The following YME1L1 variants were observed in gnomAD, a reference collection of about 807,000 sequenced individuals.
YME1L1 encodes the protein ATP-dependent zinc metalloprotease YME1L1.
A neutral mutation model predicts 90.4 loss-of-function variants in YME1L1; 39 were observed. The ratio of observed to expected loss-of-function variants is 0.43; its 90% CI spans 0.33 to 0.56. The LOEUF (loss-of-function observed/expected upper bound fraction) is 0.56, where lower values mean the gene tolerates loss of function less well. Ranked by LOEUF, YME1L1 falls within the 20% of genes least tolerant of loss-of-function variation. The pLI, the probability that YME1L1 is intolerant of heterozygous loss-of-function variation, is 0.03. For missense variants in YME1L1, 617 were observed against 868.4 expected, an observed-to-expected ratio of 0.71 and a Z score of 3.64; for synonymous variants, 284 against 287.3, an observed-to-expected ratio of 0.99 and a Z score of 0.12.
At chr10:27,128,025 T>C (rs1317711801) in intron 8 of YME1L1, among the ~76,000 whole-genome samples, 2 of 152,192 alleles carry the variant, frequency 1.3e-5, no homozygotes, top group Non-Finnish European at 2.9e-5. Flanking sequence ...AAATAAACTA[T>C]ATTCTCTCTC....
chr10:27,113,666 C>T (rs1441936269), intron 18 of YME1L1, among the ~76,000 whole-genome samples: 2 of 145,312 alleles, frequency 1.4e-5, no homozygotes, highest in Admixed American at 1.4e-4. Flanking sequence ...GAGCAGAACT[C>T]TGTCTCAAAA....
At chr10:27,150,920 C>CTTTTTTT (rs142259641) in intron 1 of YME1L1, among the ~76,000 whole-genome samples, 7 of 87,696 alleles carry the variant, frequency 8.0e-5, no homozygotes, top group East Asian at 4.2e-4. Context: ...ACTCTCTCGC[C>CTTTTTTT]TTTTTTTTTT....
At chr10:27,126,600 A>C in intron 9 of YME1L1, 96 bp downstream of exon 9, 1 of 623,822 alleles carries the variant, frequency 1.6e-6, no homozygotes. Context: ...CTTAAACTTT[A>C]ATCAGTTAAA....
chr10:27,147,547 G>A, intron 2 of YME1L1: 16 of 1,610,744 alleles, frequency 9.9e-6, no homozygotes, highest in Non-Finnish European at 1.4e-5. Flanking sequence ...GTTATCGGTT[G>A]TGTCCAAGCT....
intron 11 of YME1L1, among the ~76,000 whole-genome samples, chr10:27,121,653 T>C (rs891288317): frequency 2.6e-5 from 4 of 152,158 alleles, no homozygotes; most frequent in Non-Finnish European, 5.9e-5. Context: ...ACCTCTCAAG[T>C]AGCTGGAATG....
intron 8 of YME1L1, among the ~76,000 whole-genome samples, chr10:27,130,724 G>A (rs544835707): frequency 2.6e-5 from 4 of 152,230 alleles, no homozygotes; most frequent in East Asian, 3.9e-4. Context: ...GTGGTGGCTC[G>A]TGCCTGTAAT....
chr10:27,124,746 C>A (rs1365502315), intron 9 of YME1L1, among the ~76,000 whole-genome samples: 1 of 152,100 alleles, frequency 6.6e-6, no homozygotes, highest in East Asian at 1.9e-4. Flanking sequence ...ATTAATACTT[C>A]TATGGTTTTA....
chr10:27,145,348 C>A (rs1413866061), intron 3 of YME1L1, 80 bp downstream of exon 3: 1 of 1,156,892 alleles, frequency 8.6e-7, no homozygotes, highest in Non-Finnish European at 1.2e-6. Flanking sequence ...ATAAACGCTA[C>A]TGTGAAAGCT....
In YME1L1 at chr10:27,111,131, C is replaced by T. The variant is rs1421086240; in HGVS notation, c.*846G>A. On this transcript the variant is annotated 3_prime_UTR_variant, in exon 19 of 19. Transcript: ENST00000376016. ...AGTGCAGTGGCATGATCTCAGCTCA[C>T]TGCAACCTCCATCTCCCAGGCTCAA... The T allele has an allele frequency of 1.3e-5, 2 of 152,206 alleles. No individual in the cohort carries two copies. The highest frequency in any genetic ancestry group is 4.8e-5 in the African/African-American group (2 of 41,416). 9.4% of individuals were successfully genotyped at this position (152,206 alleles called of 1,614,324 possible).
intron 18 of YME1L1, among the ~76,000 whole-genome samples, chr10:27,113,179 C>T (rs1277504753): frequency 1.6e-5 from 2 of 121,442 alleles, no homozygotes; most frequent in Non-Finnish European, 3.2e-5. Context: ...AAGATCACAG[C>T]ACTGCACTCC....
In YME1L1 at chr10:27,133,759, T is replaced by C. The variant is rs1588600935; in HGVS notation, c.775+280A>G. Among the ~76,000 whole-genome samples, 11 of 152,298 alleles carry C rather than the reference T, an allele frequency of 7.2e-5. 4 individuals are homozygous for C. The highest frequency in any genetic ancestry group is 7.2e-4 in the Admixed American group (11 of 15,296). On this transcript the variant is annotated intron_variant, in intron 7 of 18. Coordinates refer to ENST00000376016, the MANE Select transcript of YME1L1 (RefSeq NM_014263.4). ...GTTTATCTTTGAAATAGAAGACTAT[T>C]TCAGCTTGTATTGCCATTATAAAAT... is the stretch of plus-strand genomic sequence containing the variant.
At chr10:27,127,830 T>G (rs534806361) in intron 8 of YME1L1, among the ~76,000 whole-genome samples, 11 of 152,292 alleles carry the variant, frequency 7.2e-5, no homozygotes, top group Non-Finnish European at 1.3e-4. Context: ...CACTGTTGTG[T>G]GAATTTGTTA....
chr10:27,131,144 T>C (rs1405433153), intron 8 of YME1L1, among the ~76,000 whole-genome samples: 9 of 152,162 alleles, frequency 5.9e-5, no homozygotes, highest in Admixed American at 3.3e-4. Flanking sequence ...AATCACACCT[T>C]GAACACTCCA....
intron 13 of YME1L1, among the ~76,000 whole-genome samples, chr10:27,120,037 A>C (rs999598077): frequency 6.6e-6 from 1 of 152,100 alleles, no homozygotes; most frequent in Non-Finnish European, 1.5e-5. Context: ...GTGAGTAATA[A>C]ATTTCCATGT....
chr10:27,136,167 G>C, intron 5 of YME1L1, 109 bp downstream of exon 5: 1 of 880,032 alleles, frequency 1.1e-6, no homozygotes, highest in Non-Finnish European at 1.8e-6. Context: ...ATTATTAGTG[G>C]AAAGAAGGAA....
intron 18 of YME1L1, among the ~76,000 whole-genome samples, chr10:27,114,309 G>A (rs1030716588): frequency 6.6e-6 from 1 of 152,104 alleles, no homozygotes; most frequent in African/African-American, 2.4e-5. Flanking sequence ...GAACAGAGAG[G>A]TGCCTTAATA....
At chr10:27,124,504 CAT>C (rs2056897946) in intron 9 of YME1L1, among the ~76,000 whole-genome samples, 1 of 152,108 alleles carries the variant, frequency 6.6e-6, no homozygotes, top group South Asian at 2.1e-4. Flanking sequence ...TCTTTACATA[CAT>C]GTTTGCTGCA....
intron 14 of YME1L1, among the ~76,000 whole-genome samples, chr10:27,118,295 T>C (rs115760713): frequency 2.1e-3 from 314 of 149,880 alleles, no homozygotes; most frequent in African/African-American, 7.7e-3. Context: ...TTTAGTAATT[T>C]TGTTTCTTTT....
chr10:27,154,023 G>A (rs545361907), intron 1 of YME1L1, among the ~76,000 whole-genome samples, 155 bp downstream of exon 1: 1 of 152,228 alleles, frequency 6.6e-6, no homozygotes, highest in East Asian at 1.9e-4. Flanking sequence ...CACTCTCAGC[G>A]TCGTCCCCTG....
Sources: gnomAD v4.1 joint callset for allele counts (sites outside exome capture counted in the v4.1 genomes callset) on GRCh38, gnomAD v4.1.1 for gene constraint, MANE v1.5 for transcripts, NCBI Gene and HGNC (gene_info 2026-07-23, HGNC 2026-07-21) for gene names.